SPATS1: variants seen among roughly 807,000 people sequenced by gnomAD.
SPATS1 encodes spermatogenesis-associated serine-rich protein 1.
Under a neutral mutation model 33.6 loss-of-function variants are expected in SPATS1, and 23 were observed. That is an observed-to-expected ratio of 0.68 (90% CI 0.49 to 0.97). The LOEUF (loss-of-function observed/expected upper bound fraction) is 0.97. Among genes scored for constraint, SPATS1 ranks in the 50% least tolerant of loss-of-function variants. SPATS1 has a pLI of 0.00. For missense variants in SPATS1, 327 were observed against 361.0 expected (o/e 0.91, Z 0.76); for synonymous variants, 131 against 125.6 (o/e 1.04, Z -0.29).
chr6:44,347,254 TA>T (rs1787949149), intron 2 of SPATS1, among the ~76,000 whole-genome samples: 1 of 152,106 alleles, frequency 6.6e-6, no homozygotes, highest in African/African-American at 2.4e-5. Flanking sequence ...AGGATAGCAT[TA>T]GGAGAAATAC....
chr6:44,367,554 C>T (rs546270402), intron 5 of SPATS1, among the ~76,000 whole-genome samples: 3 of 152,262 alleles, frequency 2.0e-5, no homozygotes, highest in Admixed American at 6.5e-5. Context: ...ATGGCTTTTC[C>T]GAGTTAGCTA....
chr6:44,367,108 G>C (rs1335821182), intron 5 of SPATS1, among the ~76,000 whole-genome samples: 3 of 152,156 alleles, frequency 2.0e-5, no homozygotes, highest in Non-Finnish European at 4.4e-5. Flanking sequence ...AAATTGTTGA[G>C]ACAGAGTCTC....
rs1442565083 is a variant in SPATS1 at position 44,343,243 on chromosome 6, C to A, written c.139+9C>A. The A allele has an allele frequency of 4.3e-6, 7 of 1,612,922 alleles. No homozygotes were observed. Among genetic ancestry groups the A allele is most frequent in the Non-Finnish European group, 5.9e-6 (7 of 1,179,756 alleles). On this transcript the variant is annotated intron_variant, in intron 2 of 8. Coordinates refer to ENST00000674044, the MANE Select transcript of SPATS1 (RefSeq NM_001372081.1). ...GGTGGAGAGGACCTACAGTTGAGTT[C>A]TAAGAAATCCAGGCTGTGGAGTTGG...
chr6:44,368,517 C>G lies in SPATS1; in HGVS notation c.695+18C>G. The G allele has an allele frequency of 6.2e-7, 1 of 1,606,632 alleles. No homozygotes were observed. Among genetic ancestry groups the G allele is most frequent in the Non-Finnish European group, 8.5e-7 (1 of 1,175,834 alleles). ...TTTTCAATGTAAGTGTATGTTAATA[C>G]TAGCATTATATAGTTAACTTTAAAG... is the stretch of plus-strand genomic sequence containing the variant. On this transcript the variant is annotated intron_variant, in intron 6 of 8. Coordinates refer to ENST00000674044, the MANE Select transcript of SPATS1 (RefSeq NM_001372081.1).
intron 5 of SPATS1, among the ~76,000 whole-genome samples, chr6:44,364,157 T>C (rs1424474334): frequency 6.6e-6 from 1 of 152,222 alleles, no homozygotes; most frequent in African/African-American, 2.4e-5. Context: ...CATCTCTAAA[T>C]ATATCATATG....
At chr6:44,351,013 A>G (rs964929237) in intron 2 of SPATS1, among the ~76,000 whole-genome samples, 2 of 151,102 alleles carry the variant, frequency 1.3e-5, no homozygotes, top group Admixed American at 6.6e-5. Flanking sequence ...AATACCAGCT[A>G]CTCATGAGGC....
rs1790022804 is a variant in SPATS1, at chr6:44,377,364, G to A, written c.*301G>A. 2.1e-6 allele frequency: 1 copy of A among 468,734 alleles called. No homozygotes were observed. The highest frequency in any genetic ancestry group is 2.3e-5 in the South Asian group (1 of 43,040). The allele number at this position is 468,734 out of a possible 1,614,324, so 29.0% of individuals were successfully genotyped here. A position where few individuals can be genotyped will look rare whatever the true frequency, so the allele number is the denominator to read the frequency against. On this transcript the variant is annotated 3_prime_UTR_variant, in exon 9 of 9. Coordinates refer to ENST00000674044, the MANE Select transcript of SPATS1 (RefSeq NM_001372081.1). Reference sequence around the variant, plus strand: ...TTGCTGAACTCTTTGAGAGTGAGTGGCAGATATTGTAACCCTTTACACCTG... The same window carrying A: ...TTGCTGAACTCTTTGAGAGTGAGTGACAGATATTGTAACCCTTTACACCTG...
intron 7 of SPATS1, among the ~76,000 whole-genome samples, chr6:44,375,613 C>T (rs1789886506): frequency 6.6e-6 from 1 of 152,056 alleles, no homozygotes; most frequent in African/African-American, 2.4e-5. Context: ...AGTTCAAGAC[C>T]AGCCTGACCA....
At chr6:44,376,085 G>A (rs1463995735) in intron 7 of SPATS1, among the ~76,000 whole-genome samples, 3 of 151,802 alleles carry the variant, frequency 2.0e-5, no homozygotes, top group Non-Finnish European at 2.9e-5. Flanking sequence ...CAGCCTGGGC[G>A]ATGGAGTGAG....
Position 44,377,237 on chromosome 6 carries a change from G to T in SPATS1, c.*174G>T. ...AAACTTTCACATTTACATAAAAGTT[G>T]CAAGAATTGTACAACAAACACCTGC... On this transcript the variant is annotated 3_prime_UTR_variant, in exon 9 of 9. Transcript: ENST00000674044. 5.7e-6 allele frequency: 4 copies of T among 703,732 alleles called. No individual in the cohort carries two copies. The highest frequency in any genetic ancestry group is 7.1e-6 in the Non-Finnish European group (3 of 421,836). 43.6% of individuals were successfully genotyped at this position (703,732 alleles called of 1,614,324 possible). A position where few individuals can be genotyped will look rare whatever the true frequency, so the allele number is the denominator to read the frequency against.
rs1788372883 is a variant in SPATS1 at position 44,353,576 on chromosome 6, T to G, written c.287+703T>G. Among the ~76,000 whole-genome samples, 4 of 152,328 alleles carry G rather than the reference T, an allele frequency of 2.6e-5. No individual in the cohort carries two copies. In the Middle Eastern group the frequency reaches 0.01, roughly 389 times the overall value. On this transcript the variant is annotated intron_variant, in intron 3 of 8. Transcript: ENST00000674044. ...AACGTTTTGTTTCTTGACCAGGATG[T>G]TGGCTTTGTAATTAGTTGTAAAATT...
chr6:44,378,958 CATA>C lies in SPATS1; in HGVS notation c.*1901_*1903del, dbSNP rs1790087759. ...GTCACAGGCCCACCCCTGCTCCCAACATAATAATTTAAAAAAACACCAAATAAT... is the reference window on the plus strand; with the variant it reads ...GTCACAGGCCCACCCCTGCTCCCAACATAATTTAAAAAAACACCAAATAAT... On this transcript the variant is annotated 3_prime_UTR_variant, in exon 9 of 9. Coordinates refer to ENST00000674044, the MANE Select transcript of SPATS1 (RefSeq NM_001372081.1). 6.6e-6 allele frequency: 1 copy of C among 152,090 alleles called. No individual in the cohort carries two copies. The highest frequency in any genetic ancestry group is 1.5e-5 in the Non-Finnish European group (1 of 68,042). The allele number at this position is 152,090 out of a possible 1,614,324, so 9.4% of individuals were successfully genotyped here. A position where few individuals can be genotyped will look rare whatever the true frequency, so the allele number is the denominator to read the frequency against.
At chr6:44,351,324 C>T (rs938255224) in intron 2 of SPATS1, among the ~76,000 whole-genome samples, 19 of 151,972 alleles carry the variant, frequency 1.3e-4, no homozygotes, top group African/African-American at 4.4e-4. Flanking sequence ...TTCATATAAA[C>T]GATTTGAGCA....
At chr6:44,351,122 CAAAAAAA>C (rs34139961) in intron 2 of SPATS1, among the ~76,000 whole-genome samples, 17 of 75,498 alleles carry the variant, frequency 2.3e-4, no homozygotes, top group Non-Finnish European at 3.1e-4. Flanking sequence ...GACTCTGTGT[CAAAAAAA>C]AAAAAAAAAA....
chr6:44,352,810 C>T lies in SPATS1; in HGVS notation c.224C>T (p.Ser75Phe), dbSNP rs751259407. The T allele has an allele frequency of 1.9e-6, 3 of 1,614,162 alleles. No homozygotes were observed. Among genetic ancestry groups the T allele is most frequent in the African/African-American group, 1.3e-5 (1 of 75,056 alleles). ...PSGKSVSSSS[S>F]VETGPSVSEP... ...GGCAAAAGTGTCAGTTCCTCATCTT[C>T]TGTGGAAACAGGCCCAAGTGTCAGT... The change falls in exon 3 of 9, where the codon TCT (serine) becomes TTT (phenylalanine). Residue 75 changes from serine (S) to phenylalanine (F), a missense_variant. Physicochemically the swap from Ser to Phe is radical, Grantham distance 155 (BLOSUM62 -2). Transcript: ENST00000674044.
intron 7 of SPATS1, among the ~76,000 whole-genome samples, chr6:44,374,856 G>A (rs9472270): frequency 0.049 from 7,433 of 152,154 alleles, 576 homozygotes; most frequent in African/African-American, 0.17. Context: ...TGGCTTGTTG[G>A]CTTTAAGTGA....
chr6:44,360,380 C>T, intron 3 of SPATS1, 66 bp from the exon 4 acceptor site: 9 of 1,604,274 alleles, frequency 5.6e-6, no homozygotes, highest in Non-Finnish European at 7.7e-6. Flanking sequence ...CTAGGGTAAA[C>T]TATGTGAGAT....
chr6:44,356,265 C>A (rs1467533324), intron 3 of SPATS1, among the ~76,000 whole-genome samples: 1 of 152,114 alleles, frequency 6.6e-6, no homozygotes, highest in Non-Finnish European at 1.5e-5. Flanking sequence ...GGGGATCAAG[C>A]CCTGAAACAC....
At position 44,379,599 on chromosome 6, in the gene SPATS1, C is replaced by CAAAAAAAAAAAAAA. The variant is rs55976441; in HGVS notation, c.*2551_*2564dup. ...TGGGCAACAGAGTGAGACTCTGTCT[C>CAAAAAAAAAAAAAA]AAAAAAAAAAAAAAAAAAAAAAAAA... is the stretch of plus-strand genomic sequence containing the variant. On this transcript the variant is annotated 3_prime_UTR_variant, in exon 9 of 9. Transcript: ENST00000674044. 1.1e-4 allele frequency among the ~76,000 whole-genome samples: 6 copies of CAAAAAAAAAAAAAA among 54,742 alleles called. No individual in the cohort carries two copies. Among genetic ancestry groups the CAAAAAAAAAAAAAA allele is most frequent in the Non-Finnish European group, 1.6e-4 (5 of 32,096 alleles). The allele number at this position is 54,742 out of a possible 152,430, so 35.9% of individuals were successfully genotyped here. A position where few individuals can be genotyped will look rare whatever the true frequency, so the allele number is the denominator to read the frequency against.
Sources: gnomAD v4.1 joint callset for allele counts (sites outside exome capture counted in the v4.1 genomes callset) on GRCh38, gnomAD v4.1.1 for gene constraint, MANE v1.5 for transcripts, NCBI Gene and HGNC (gene_info 2026-07-23, HGNC 2026-07-21) for gene names.